The following HMCN1 variants were observed in gnomAD, a reference collection of about 807,000 sequenced individuals.
The protein encoded by HMCN1 is hemicentin 1.
A neutral mutation model predicts 625.9 loss-of-function variants in HMCN1; 321 were observed. The observed-to-expected ratio is 0.51, with a 90% CI of 0.47 to 0.56. The LOEUF (loss-of-function observed/expected upper bound fraction) is 0.56, where lower values mean the gene tolerates loss of function less well. HMCN1 is among the 20% of genes least tolerant of loss of function. The pLI, the probability that HMCN1 is intolerant of heterozygous loss-of-function variation, is 0.00. For synonymous variants in HMCN1, 2,425 were observed against 2,417.6 expected (o/e 1.00, Z -0.09); for missense variants, 6,588 against 6,887.3 (o/e 0.96, Z 1.54).
chr1:186,052,371 C>A lies in HMCN1; in HGVS notation c.6578-581C>A, dbSNP rs374758327. The stretch of plus-strand genomic sequence containing the variant: ...TTCAGCCAGCATCTGCAGACTCCAG[C>A]GCCTTTGAGAAAATCATGGGTAGTC... On this transcript the variant is annotated intron_variant, in intron 42 of 106. Transcript: ENST00000271588. Among the ~76,000 whole-genome samples the A allele has an allele frequency of 8.9e-4, 136 of 152,124 alleles. 1 individual carries two copies. The highest frequency in any genetic ancestry group is 1.9e-3 in the East Asian group (10 of 5,160).
intron 48 of HMCN1, among the ~76,000 whole-genome samples, chr1:186,064,256 A>AT (rs969573479): frequency 6.6e-6 from 1 of 151,878 alleles, no homozygotes; most frequent in Non-Finnish European, 1.5e-5. Flanking sequence ...TGGTTTTAAA[A>AT]TTTTTTTTAA....
intron 10 of HMCN1, among the ~76,000 whole-genome samples, chr1:185,932,030 G>A (rs974918606): frequency 1.3e-5 from 2 of 152,074 alleles, no homozygotes; most frequent in East Asian, 3.9e-4. Context: ...AATATTGCAC[G>A]AGGCATATTT....
chr1:185,951,299 T>TA (rs1668654126), intron 11 of HMCN1, among the ~76,000 whole-genome samples: 1 of 151,324 alleles, frequency 6.6e-6, no homozygotes, highest in South Asian at 2.1e-4. Context: ...TGGGGATAAC[T>TA]AAAAAGGAGT....
At chr1:185,921,492 T>A (rs1400892399) in intron 6 of HMCN1, among the ~76,000 whole-genome samples, 4 of 152,188 alleles carry the variant, frequency 2.6e-5, no homozygotes, top group African/African-American at 9.6e-5. Flanking sequence ...AAAATGTATA[T>A]ACACAAATAC....
At chr1:185,779,463 A>G (rs1323946346) in intron 1 of HMCN1, among the ~76,000 whole-genome samples, 10 of 152,156 alleles carry the variant, frequency 6.6e-5, no homozygotes, top group South Asian at 4.2e-4. Context: ...TTTCTTCTAG[A>G]GTTTTTATGG....
At chr1:185,806,960 T>C (rs1659211320) in intron 1 of HMCN1, among the ~76,000 whole-genome samples, 1 of 152,172 alleles carries the variant, frequency 6.6e-6, no homozygotes, top group Non-Finnish European at 1.5e-5. Flanking sequence ...ACAGTTGAAG[T>C]GTTTCTCGAT....
intron 25 of HMCN1, among the ~76,000 whole-genome samples, chr1:185,998,878 T>A (rs1311474274): frequency 6.6e-6 from 1 of 152,120 alleles, no homozygotes; most frequent in Non-Finnish European, 1.5e-5. Flanking sequence ...TGATTAAAGT[T>A]CATAAAGGAA....
At chr1:186,013,259 T>A (rs553355587) in intron 30 of HMCN1, among the ~76,000 whole-genome samples, 2 of 152,320 alleles carry the variant, frequency 1.3e-5, no homozygotes, top group Admixed American at 1.3e-4. Context: ...CATATAATTT[T>A]TACATGTCAC....
intron 105 of HMCN1, among the ~76,000 whole-genome samples, chr1:186,183,969 G>A (rs542170839): frequency 3.9e-5 from 6 of 152,238 alleles, no homozygotes; most frequent in East Asian, 3.9e-4. Flanking sequence ...GGCAGATACC[G>A]AAGCATTTGG....
At chr1:186,049,208 A>G (rs1255806369) in intron 42 of HMCN1, among the ~76,000 whole-genome samples, 2 of 152,074 alleles carry the variant, frequency 1.3e-5, no homozygotes, top group Admixed American at 6.6e-5. Flanking sequence ...GTGTGTGTGT[A>G]TGTGAGAGAA....
At chr1:185,816,228 A>G (rs1044256387) in intron 1 of HMCN1, among the ~76,000 whole-genome samples, 2 of 152,246 alleles carry the variant, frequency 1.3e-5, no homozygotes, top group African/African-American at 4.8e-5. Context: ...ACACAGATCC[A>G]TCAATCCATG....
chr1:185,851,650 C>G (rs1472732816), intron 2 of HMCN1, among the ~76,000 whole-genome samples: 2 of 152,070 alleles, frequency 1.3e-5, no homozygotes, highest in Non-Finnish European at 2.9e-5. Flanking sequence ...ATATGCAGTG[C>G]AAAGCCTTGC....
In HMCN1 at chr1:186,168,340, C is replaced by T. The variant is rs141484512; in HGVS notation, c.15574+1398C>T. Reference sequence around the variant, plus strand: ...CAGTGGCTGACAAATGTAATCCCAGCTACTTGGGAGGCTGAGGCAGGAGAA... The same window carrying T: ...CAGTGGCTGACAAATGTAATCCCAGTTACTTGGGAGGCTGAGGCAGGAGAA... On this transcript the variant is annotated intron_variant, in intron 100 of 106. Coordinates refer to ENST00000271588, the MANE Select transcript of HMCN1 (RefSeq NM_031935.3). 7.6e-3 allele frequency among the ~76,000 whole-genome samples: 1,159 copies of T among 151,576 alleles called. 9 individuals carry two copies. Among genetic ancestry groups the T allele is most frequent in the African/African-American group, 0.027 (1,121 of 41,298 alleles).
At chr1:186,186,847 G>A (rs1653341335) in intron 105 of HMCN1, among the ~76,000 whole-genome samples, 4 of 152,098 alleles carry the variant, frequency 2.6e-5, no homozygotes, top group Admixed American at 2.0e-4. Context: ...CCAGGGGAAC[G>A]AGGATGCCCC....
At chr1:186,136,513 A>C (rs903844979) in intron 86 of HMCN1, among the ~76,000 whole-genome samples, 155 bp from the exon 87 acceptor site, 1 of 152,132 alleles carries the variant, frequency 6.6e-6, no homozygotes, top group Non-Finnish European at 1.5e-5. Context: ...AAATTGTATT[A>C]ATGGCAATTA....
chr1:186,096,135 T>G (rs1660126089), intron 68 of HMCN1, among the ~76,000 whole-genome samples: 1 of 152,192 alleles, frequency 6.6e-6, no homozygotes, highest in Admixed American at 6.5e-5. Flanking sequence ...TTTTTCTCAC[T>G]GTGAAGTAAG....
intron 1 of HMCN1, among the ~76,000 whole-genome samples, chr1:185,746,860 G>A (rs1654440009): frequency 6.6e-6 from 1 of 152,004 alleles, no homozygotes; most frequent in African/African-American, 2.4e-5. Context: ...GCCCACCTCA[G>A]CCGCCCAAAG....
At chr1:185,760,673 A>G (rs149894284) in intron 1 of HMCN1, among the ~76,000 whole-genome samples, 29 of 152,298 alleles carry the variant, frequency 1.9e-4, no homozygotes, top group Non-Finnish European at 3.4e-4. Flanking sequence ...AATTGGAATT[A>G]TAGTATAATA....
At chr1:186,161,428 T>C (rs1468354225) in intron 97 of HMCN1, among the ~76,000 whole-genome samples, 28 of 151,948 alleles carry the variant, frequency 1.8e-4, no homozygotes, top group African/African-American at 6.3e-4. Context: ...ACATTTAAAG[T>C]TAATATTGTT....
Sources: gnomAD v4.1 joint callset for allele counts (sites outside exome capture counted in the v4.1 genomes callset) on GRCh38, gnomAD v4.1.1 for gene constraint, MANE v1.5 for transcripts, NCBI Gene and HGNC (gene_info 2026-07-23, HGNC 2026-07-21) for gene names.